KLRG1: variants seen among roughly 807,000 people sequenced by gnomAD.
The protein encoded by KLRG1 is killer cell lectin like receptor G1.
A neutral mutation model predicts 21.8 loss-of-function variants in KLRG1; 16 were observed. The observed-to-expected ratio is 0.73, with a 90% CI of 0.50 to 1.11. The LOEUF (loss-of-function observed/expected upper bound fraction) is 1.11. Ranked by LOEUF, KLRG1 falls within the 50% of genes most tolerant of loss-of-function variation. KLRG1 has a pLI of 0.00. For missense variants in KLRG1, 173 were observed against 218.3 expected (o/e 0.79, Z 1.31); for synonymous variants, 69 against 75.9 (o/e 0.91, Z 0.47).
At chr12:8,994,062 C>T (rs1312517671) in intron 2 of KLRG1, among the ~76,000 whole-genome samples, 2 of 152,126 alleles carry the variant, frequency 1.3e-5, no homozygotes, top group African/African-American at 4.8e-5. Context: ...AGTTCCCTTT[C>T]ATCTTTGATT....
the KLRG1 span, among the ~76,000 whole-genome samples, chr12:9,148,058 C>G: frequency 6.6e-6 from 1 of 152,066 alleles, no homozygotes; most frequent in South Asian, 2.1e-4. Context: ...ATTTTACCAT[C>G]TGCTATACCT....
At chr12:9,201,958 A>T in the KLRG1 span, among the ~76,000 whole-genome samples, 1 of 152,178 alleles carries the variant, frequency 6.6e-6, no homozygotes, top group Non-Finnish European at 1.5e-5. Context: ...TCTATTGTAT[A>T]TACCTATATA....
the KLRG1 span, chr12:9,107,384 T>C: frequency 2.9e-6 from 3 of 1,037,304 alleles, no homozygotes; most frequent in Non-Finnish European, 2.7e-6. Flanking sequence ...AAGTTCATGA[T>C]TTTTTTTGAA....
chr12:9,194,515 A>C, the KLRG1 span, among the ~76,000 whole-genome samples: 1 of 128,830 alleles, frequency 7.8e-6, no homozygotes, highest in Admixed American at 9.6e-5. Flanking sequence ...CCCAGGCTGG[A>C]GTGCAGTGGC....
chr12:9,027,341 T>C, the KLRG1 span, among the ~76,000 whole-genome samples: 19 of 152,182 alleles, frequency 1.2e-4, no homozygotes, highest in Non-Finnish European at 2.2e-4. Context: ...TAACCTGTTA[T>C]ACAATTAGTC....
chr12:9,056,503 T>C, the KLRG1 span, among the ~76,000 whole-genome samples: 1 of 152,168 alleles, frequency 6.6e-6, no homozygotes, highest in African/African-American at 2.4e-5. Context: ...CTTAGCATAA[T>C]TCTCTCCATA....
At chr12:9,126,509 C>G in the KLRG1 span, among the ~76,000 whole-genome samples, 1 of 152,148 alleles carries the variant, frequency 6.6e-6, no homozygotes, top group Non-Finnish European at 1.5e-5. Flanking sequence ...GCCTAACTTA[C>G]CTGCTGCCCA....
At chr12:9,183,485 G>A in the KLRG1 span, among the ~76,000 whole-genome samples, 5 of 152,052 alleles carry the variant, frequency 3.3e-5, no homozygotes, top group African/African-American at 4.8e-5. Context: ...CTGCAGCCTC[G>A]AATTTCTGGG....
At chr12:8,968,019 A>G (rs114158428) in intron 1 of KLRG1, among the ~76,000 whole-genome samples, 2,687 of 152,226 alleles carry the variant, frequency 0.018, 74 homozygotes, top group African/African-American at 0.06. Context: ...AGAAAGGGAA[A>G]GATAAATAAT....
At chr12:8,955,809 G>A (rs1444432402) in intron 1 of KLRG1, among the ~76,000 whole-genome samples, 1 of 151,974 alleles carries the variant, frequency 6.6e-6, no homozygotes, top group South Asian at 2.1e-4. Context: ...AGATACGGGC[G>A]GGTCCCTGGT....
At chr12:9,102,276 C>T in the KLRG1 span, among the ~76,000 whole-genome samples, 1 of 152,100 alleles carries the variant, frequency 6.6e-6, no homozygotes, top group South Asian at 2.1e-4. Context: ...AGTACAGTGG[C>T]ACAATCTTGG....
chr12:8,951,409 C>T (rs1235460696), intron 1 of KLRG1, among the ~76,000 whole-genome samples: 3 of 152,162 alleles, frequency 2.0e-5, no homozygotes, highest in Non-Finnish European at 4.4e-5. Context: ...TTGGAGGCTG[C>T]AGTGAGCTAT....
At chr12:9,022,522 A>G in the KLRG1 span, among the ~76,000 whole-genome samples, 1 of 152,106 alleles carries the variant, frequency 6.6e-6, no homozygotes, top group Non-Finnish European at 1.5e-5. Flanking sequence ...CCGGAGTGGT[A>G]AGAGTGTCTT....
chr12:9,039,050 G>T, the KLRG1 span, among the ~76,000 whole-genome samples: 2 of 152,320 alleles, frequency 1.3e-5, no homozygotes, highest in African/African-American at 4.8e-5. Context: ...CTGATAAGTT[G>T]TCCAAGGGTA....
chr12:9,118,839 C>T, the KLRG1 span, among the ~76,000 whole-genome samples: 1 of 152,138 alleles, frequency 6.6e-6, no homozygotes, highest in Admixed American at 6.6e-5. Context: ...CTTATAGAGA[C>T]TATGGATTTA....
chr12:9,097,106 T>A, the KLRG1 span, among the ~76,000 whole-genome samples: 1 of 152,188 alleles, frequency 6.6e-6, no homozygotes, highest in African/African-American at 2.4e-5. Flanking sequence ...GTTGTTATAA[T>A]TTGAAAAATT....
chr12:9,134,080 T>C, the KLRG1 span, among the ~76,000 whole-genome samples: 8 of 152,176 alleles, frequency 5.3e-5, no homozygotes, highest in Admixed American at 2.0e-4. Context: ...GCTCTCAATA[T>C]CAACCTTGGT....
At chr12:9,194,812 T>C in the KLRG1 span, among the ~76,000 whole-genome samples, 8 of 152,126 alleles carry the variant, frequency 5.3e-5, no homozygotes, top group Non-Finnish European at 1.2e-4. Context: ...TAATATGCAC[T>C]TGGAATAAGA....
chr12:9,167,196 A>G, the KLRG1 span: 1 of 152,168 alleles, frequency 6.6e-6, no homozygotes, highest in Non-Finnish European at 1.5e-5. Context: ...ATGCACCTAA[A>G]TGAACTATTT....
Sources: gnomAD v4.1 joint callset for allele counts (sites outside exome capture counted in the v4.1 genomes callset) on GRCh38, gnomAD v4.1.1 for gene constraint, MANE v1.5 for transcripts, NCBI Gene and HGNC (gene_info 2026-07-23, HGNC 2026-07-21) for gene names.